Variants in GRM5 observed in about 807,000 individuals in gnomAD.
GRM5 encodes the protein glutamate metabotropic receptor 5.
In GRM5, 19 loss-of-function variants were observed where a neutral mutation model predicts 83.1. That is an observed-to-expected ratio of 0.23 (90% CI 0.16 to 0.34). GRM5 has a LOEUF of 0.34. Among genes scored for constraint, GRM5 ranks in the 10% least tolerant of loss-of-function variants. The probability of loss-of-function intolerance (pLI) is 1.00; values close to 1 mark genes in which losing one functional copy is unlikely to be tolerated. For missense variants in GRM5, 1,160 were observed against 1,588.3 expected, an observed-to-expected ratio of 0.73 and a Z score of 4.58; for synonymous variants, 675 against 633.6, an observed-to-expected ratio of 1.07 and a Z score of -0.98.
chr11:88,920,784 C>T (rs1441909433), intron 2 of GRM5, among the ~76,000 whole-genome samples: 1 of 152,176 alleles, frequency 6.6e-6, no homozygotes, highest in African/African-American at 2.4e-5. Flanking sequence ...CACAGATATA[C>T]ATGTGCCATG....
At chr11:88,833,685 C>T (rs942824433) in intron 3 of GRM5, among the ~76,000 whole-genome samples, 2 of 152,168 alleles carry the variant, frequency 1.3e-5, no homozygotes, top group African/African-American at 4.8e-5. Flanking sequence ...TATTACAGCA[C>T]TATTCACAAA....
intron 3 of GRM5, among the ~76,000 whole-genome samples, chr11:88,670,731 A>G (rs1940170093): frequency 6.6e-6 from 1 of 152,110 alleles, no homozygotes; most frequent in African/African-American, 2.4e-5. Flanking sequence ...TTAGGAGAAT[A>G]CAAGCTAAAA....
At chr11:89,041,327 C>T (rs1941528897) in intron 2 of GRM5, among the ~76,000 whole-genome samples, 1 of 152,208 alleles carries the variant, frequency 6.6e-6, no homozygotes, top group Non-Finnish European at 1.5e-5. Flanking sequence ...TTCCTTTTAA[C>T]TCAGCTTAGT....
chr11:88,784,999 C>A (rs150144681), intron 3 of GRM5, among the ~76,000 whole-genome samples: 1 of 151,948 alleles, frequency 6.6e-6, no homozygotes, highest in Non-Finnish European at 1.5e-5. Context: ...AGAGATGTTG[C>A]GGTATAAAAT....
rs1281123762 is a variant in GRM5 at position 88,604,914 on chromosome 11, C to G, written c.1198G>C (p.Val400Leu). The change falls in exon 5 of 10, where the codon GTG (valine) becomes CTG (leucine). Residue 400 changes from valine to leucine, a missense_variant. By Grantham distance (32) the Val-to-Leu change is conservative. Coordinates refer to ENST00000305447, the MANE Select transcript of GRM5 (RefSeq NM_001143831.3). ...GCCATCGAATAGATGGCGTTGATCACAAATCCCATTTTGGAATCCTGAACA... is the reference window on the plus strand; with the variant it reads ...GCCATCGAATAGATGGCGTTGATCAGAAATCCCATTTTGGAATCCTGAACA... ...HHVQDSKMGF[V>L]INAIYSMAYG... The G allele has an allele frequency of 6.2e-7, 1 of 1,612,798 alleles. No homozygotes were observed. Among genetic ancestry groups the G allele is most frequent in the African/African-American group, 1.3e-5 (1 of 74,872 alleles).
chr11:88,824,786 C>A (rs1246184551), intron 3 of GRM5, among the ~76,000 whole-genome samples: 2 of 152,086 alleles, frequency 1.3e-5, no homozygotes, highest in Non-Finnish European at 2.9e-5. Context: ...CGGTTGGGGA[C>A]CCCTGCTCTA....
At chr11:88,886,563 T>C (rs557213682) in intron 2 of GRM5, among the ~76,000 whole-genome samples, 3 of 152,198 alleles carry the variant, frequency 2.0e-5, no homozygotes, top group East Asian at 1.9e-4. Flanking sequence ...TGGCCCTGTT[T>C]GAACCAGCTT....
chr11:88,808,521 T>C lies in GRM5; in HGVS notation c.911+41385A>G, dbSNP rs547340330. On this transcript the variant is annotated intron_variant, in intron 3 of 9. Coordinates refer to ENST00000305447, the MANE Select transcript of GRM5 (RefSeq NM_001143831.3). ...CATGGATCTTTATAGTTAAATAGCA[T>C]GGATTTGTGAAAAACCACTTTAGTG... 8.5e-5 allele frequency among the ~76,000 whole-genome samples: 13 copies of C among 152,090 alleles called. No homozygotes were observed. The South Asian group carries it at 2.7e-3, about 32-fold the overall frequency.
intron 3 of GRM5, among the ~76,000 whole-genome samples, chr11:88,760,246 GA>G (rs1394092629): frequency 2.0e-5 from 3 of 152,058 alleles, no homozygotes. Flanking sequence ...AGGAAATTAA[GA>G]AACAAACAAA....
intron 3 of GRM5, among the ~76,000 whole-genome samples, chr11:88,748,607 C>G (rs570666342): frequency 4.6e-5 from 7 of 152,280 alleles, no homozygotes; most frequent in African/African-American, 1.7e-4. Flanking sequence ...GACTGCTTCT[C>G]TGGGCAGGTC....
intron 3 of GRM5, among the ~76,000 whole-genome samples, chr11:88,697,487 C>G (rs112669468): frequency 3.3e-5 from 5 of 152,290 alleles, no homozygotes; most frequent in African/African-American, 1.2e-4. Flanking sequence ...CCTGTAGAAG[C>G]AATGCAAGAT....
chr11:88,984,926 T>G, intron 2 of GRM5: 1 of 602,404 alleles, frequency 1.7e-6, no homozygotes. Flanking sequence ...TATTTTTAAA[T>G]GCCATTTTAA....
intron 3 of GRM5, among the ~76,000 whole-genome samples, chr11:88,702,534 A>G (rs766822783): frequency 1.1e-4 from 16 of 152,196 alleles, no homozygotes; most frequent in Non-Finnish European, 1.6e-4. Context: ...CTGGGAAGGT[A>G]ACATGTAGTT....
intron 3 of GRM5, among the ~76,000 whole-genome samples, chr11:88,710,587 A>G (rs551375733): frequency 6.6e-6 from 1 of 152,266 alleles, no homozygotes; most frequent in African/African-American, 2.4e-5. Context: ...GCTCCATAAT[A>G]ATAGGACTCT....
chr11:88,770,217 T>C (rs1591502483), intron 3 of GRM5, among the ~76,000 whole-genome samples: 1 of 152,074 alleles, frequency 6.6e-6, no homozygotes, highest in East Asian at 1.9e-4. Flanking sequence ...AAGAGGAGCC[T>C]AAGGAGTCCA....
intron 3 of GRM5, among the ~76,000 whole-genome samples, chr11:88,717,862 T>C (rs1401525439): frequency 1.2e-5 from 1 of 81,052 alleles, no homozygotes; most frequent in Non-Finnish European, 3.1e-5. Context: ...TTTTCTATAA[T>C]AACTATTTAT....
intron 2 of GRM5, among the ~76,000 whole-genome samples, chr11:88,992,022 T>G (rs1472961625): frequency 1.3e-5 from 2 of 152,084 alleles, no homozygotes; most frequent in East Asian, 3.8e-4. Flanking sequence ...TGGGATCTAA[T>G]TAAACTAAAG....
intron 2 of GRM5, among the ~76,000 whole-genome samples, chr11:88,860,259 A>G (rs966339192): frequency 6.6e-5 from 10 of 152,108 alleles, no homozygotes; most frequent in African/African-American, 2.4e-4. Context: ...AAAACTTGAG[A>G]CAGAAGCTAT....
intron 2 of GRM5, among the ~76,000 whole-genome samples, chr11:88,992,408 C>T (rs1940010845): frequency 6.6e-6 from 1 of 152,008 alleles, no homozygotes; most frequent in African/African-American, 2.4e-5. Context: ...AACACTTTTA[C>T]ACTGTTGGTG....
Sources: allele counts gnomAD v4.1 joint callset (sites outside exome capture counted in the v4.1 genomes callset), GRCh38; gene constraint gnomAD v4.1.1; transcripts MANE v1.5; gene names NCBI Gene and HGNC (gene_info 2026-07-23, HGNC 2026-07-21).